Variants in DPP10 observed in about 807,000 individuals in gnomAD.
DPP10 encodes inactive dipeptidyl peptidase 10.
In DPP10, 33 loss-of-function variants were observed where a neutral mutation model predicts 120.9. That is an observed-to-expected ratio of 0.27 (90% CI 0.21 to 0.37). The LOEUF is 0.37. DPP10 is among the 10% of genes least tolerant of loss of function. The pLI is 1.00. For missense variants in DPP10, 816 were observed against 942.8 expected, an observed-to-expected ratio of 0.87 and a Z score of 1.76; for synonymous variants, 337 against 326.1, an observed-to-expected ratio of 1.03 and a Z score of -0.36.
intron 1 of DPP10, among the ~76,000 whole-genome samples, chr2:115,021,202 A>G (rs1183220009): frequency 2.0e-5 from 3 of 152,094 alleles, no homozygotes; most frequent in Admixed American, 6.5e-5. Context: ...ACAAACAACA[A>G]CAACAAAAAA....
At chr2:115,691,194 G>A (rs958658332) in intron 7 of DPP10, among the ~76,000 whole-genome samples, 3 of 150,808 alleles carry the variant, frequency 2.0e-5, no homozygotes, top group Non-Finnish European at 3.0e-5. Context: ...TCCAGTTTTC[G>A]GATTTACTTC....
At chr2:114,907,996 A>G (rs1016721738) in intron 1 of DPP10, among the ~76,000 whole-genome samples, 2 of 151,788 alleles carry the variant, frequency 1.3e-5, no homozygotes, top group African/African-American at 2.4e-5. Flanking sequence ...ATTAGTGCAT[A>G]TATGTTTGTA....
intron 1 of DPP10, among the ~76,000 whole-genome samples, chr2:115,122,929 G>C (rs2049897505): frequency 6.6e-6 from 1 of 152,154 alleles, no homozygotes; most frequent in East Asian, 1.9e-4. Context: ...CTGTGACCAA[G>C]AGGAATCATT....
chr2:114,523,948 A>T (rs2104681365), intron 1 of DPP10, among the ~76,000 whole-genome samples: 1 of 152,318 alleles, frequency 6.6e-6, no homozygotes, highest in East Asian at 1.9e-4. Flanking sequence ...GAAAAGAAAT[A>T]ATTGTCTCTG....
chr2:115,147,058 C>G (rs2051264010), intron 1 of DPP10, among the ~76,000 whole-genome samples: 1 of 152,016 alleles, frequency 6.6e-6, no homozygotes, highest in African/African-American at 2.4e-5. Flanking sequence ...ATACTTCTAG[C>G]ATTATGACAG....
rs140877378 is a variant in DPP10 at position 115,836,963 on chromosome 2, T to C, written c.2182+217T>C. ...AAATGGCAGCGTTGTCCAATCAAAC[T>C]CCCTGTAATGATGGAAATACTTTAT... On this transcript the variant is annotated intron_variant, in intron 24 of 25. Coordinates refer to ENST00000410059, the MANE Select transcript of DPP10 (RefSeq NM_020868.6). 1.5e-3 allele frequency among the ~76,000 whole-genome samples: 223 copies of C among 152,262 alleles called. 1 individual carries two copies. Among genetic ancestry groups the C allele is most frequent in the Middle Eastern group, 3.4e-3 (1 of 294 alleles).
intron 1 of DPP10, among the ~76,000 whole-genome samples, chr2:114,646,159 CAAATAAATAAATAAAT>C (rs3029136): frequency 7.1e-6 from 1 of 140,724 alleles, no homozygotes; most frequent in Non-Finnish European, 1.5e-5. Context: ...GCCTCAGTCT[CAAATAAATAAATAAAT>C]AAATAAATAA....
chr2:115,141,727 C>T (rs1315847321), intron 1 of DPP10, among the ~76,000 whole-genome samples: 1 of 152,142 alleles, frequency 6.6e-6, no homozygotes, highest in Admixed American at 6.6e-5. Context: ...CATTCACTCA[C>T]CTAATATTCA....
At chr2:114,928,632 G>T (rs1695821958) in intron 1 of DPP10, among the ~76,000 whole-genome samples, 1 of 151,938 alleles carries the variant, frequency 6.6e-6, no homozygotes, top group Non-Finnish European at 1.5e-5. Context: ...TACTATTCTG[G>T]GGTCTGGAAG....
chr2:114,815,545 AAGTT>A (rs1221625838), intron 1 of DPP10, among the ~76,000 whole-genome samples: 2 of 152,300 alleles, frequency 1.3e-5, no homozygotes, highest in East Asian at 1.9e-4. Flanking sequence ...TTTTTCAAAA[AAGTT>A]AGTATCTAAG....
At chr2:114,767,316 T>C (rs1680823052) in intron 1 of DPP10, among the ~76,000 whole-genome samples, 1 of 143,136 alleles carries the variant, frequency 7.0e-6, no homozygotes. Context: ...ATATATAATA[T>C]AGAAATATAT....
intron 1 of DPP10, among the ~76,000 whole-genome samples, chr2:114,982,614 T>A (rs1008204489): frequency 1.4e-4 from 22 of 151,968 alleles, no homozygotes; most frequent in Non-Finnish European, 2.2e-4. Context: ...TTTTTTTTTT[T>A]AATTGACACA....
intron 1 of DPP10, among the ~76,000 whole-genome samples, chr2:114,564,582 GA>G (rs1689057592): frequency 6.6e-6 from 1 of 152,178 alleles, no homozygotes; most frequent in Admixed American, 6.5e-5. Flanking sequence ...ACCACTGAGG[GA>G]AAAGGTTTTT....
intron 1 of DPP10, among the ~76,000 whole-genome samples, chr2:115,210,392 T>TGC (rs1368663390): frequency 6.6e-6 from 1 of 152,228 alleles, no homozygotes; most frequent in Non-Finnish European, 1.5e-5. Flanking sequence ...GGTGTATATG[T>TGC]GCCACATTTT....
At chr2:114,664,589 A>T (rs947811256) in intron 1 of DPP10, among the ~76,000 whole-genome samples, 2 of 148,732 alleles carry the variant, frequency 1.3e-5, no homozygotes, top group Non-Finnish European at 1.5e-5. Context: ...AGATTGTGGC[A>T]CTACACTCCA....
At chr2:114,780,362 A>G (rs577382106) in intron 1 of DPP10, among the ~76,000 whole-genome samples, 3 of 152,148 alleles carry the variant, frequency 2.0e-5, no homozygotes, top group Non-Finnish European at 2.9e-5. Context: ...TTCATGTGTG[A>G]TCTTTATATT....
chr2:114,966,667 A>G (rs1699055944), intron 1 of DPP10, among the ~76,000 whole-genome samples: 1 of 152,226 alleles, frequency 6.6e-6, no homozygotes, highest in African/African-American at 2.4e-5. Flanking sequence ...CACACACAAC[A>G]ATGCAAAAGC....
At chr2:115,490,852 C>T (rs2076073376) in intron 3 of DPP10, among the ~76,000 whole-genome samples, 2 of 152,198 alleles carry the variant, frequency 1.3e-5, no homozygotes, top group African/African-American at 2.4e-5. Flanking sequence ...TGCGTGGTGG[C>T]TCACGCCCAT....
chr2:114,763,454 A>G (rs1290138970), intron 1 of DPP10, among the ~76,000 whole-genome samples: 2 of 152,184 alleles, frequency 1.3e-5, no homozygotes, highest in Non-Finnish European at 2.9e-5. Context: ...TGAATTCAAA[A>G]GTGATTAACT....
Sources: allele counts gnomAD v4.1 joint callset (sites outside exome capture counted in the v4.1 genomes callset), GRCh38; gene constraint gnomAD v4.1.1; transcripts MANE v1.5; gene names NCBI Gene and HGNC (gene_info 2026-07-23, HGNC 2026-07-21).